Variants in DNAJC1 observed in about 807,000 individuals in gnomAD.
DNAJC1 encodes dnaJ homolog subfamily C member 1.
DNAJC1 carries 58 observed loss-of-function variants against 76.6 expected under a neutral mutation model. The observed-to-expected ratio is 0.76, with a 90% CI of 0.61 to 0.94. The LOEUF is 0.94. Among genes scored for constraint, DNAJC1 ranks in the 40% least tolerant of loss-of-function variants. The pLI is 0.00. For synonymous variants in DNAJC1, 258 were observed against 267.9 expected, an observed-to-expected ratio of 0.96 and a Z score of 0.36; for missense variants, 689 against 677.3, an observed-to-expected ratio of 1.02 and a Z score of -0.19.
chr10:21,967,531 C>G (rs1252841443), intron 1 of DNAJC1, among the ~76,000 whole-genome samples: 1 of 152,120 alleles, frequency 6.6e-6, no homozygotes, highest in Non-Finnish European at 1.5e-5. Context: ...ATTTCAATTC[C>G]CTTTTTCATA....
chr10:21,996,477 T>C (rs1838417008), intron 1 of DNAJC1, among the ~76,000 whole-genome samples: 1 of 152,228 alleles, frequency 6.6e-6, no homozygotes. Flanking sequence ...GAACAAAATA[T>C]GATTGTGAAA....
chr10:21,849,424 G>A (rs1276221871), intron 8 of DNAJC1, among the ~76,000 whole-genome samples: 1 of 149,882 alleles, frequency 6.7e-6, no homozygotes, highest in African/African-American at 2.5e-5. Flanking sequence ...CAAAAGGAAG[G>A]AAATAATAAA....
chr10:21,869,502 TA>T (rs1488713459), intron 8 of DNAJC1, among the ~76,000 whole-genome samples: 4 of 152,244 alleles, frequency 2.6e-5, no homozygotes, highest in Admixed American at 6.5e-5. Flanking sequence ...TGCCTGTAAC[TA>T]TTGTCTCCCT....
At chr10:21,993,599 A>G (rs555721216) in intron 1 of DNAJC1, among the ~76,000 whole-genome samples, 2 of 152,144 alleles carry the variant, frequency 1.3e-5, no homozygotes, top group East Asian at 3.8e-4. Flanking sequence ...CACAAGATGG[A>G]GATATTACTC....
intron 10 of DNAJC1, among the ~76,000 whole-genome samples, chr10:21,761,712 C>T (rs886135883): frequency 3.3e-5 from 5 of 152,032 alleles, no homozygotes; most frequent in Non-Finnish European, 1.5e-5. Context: ...TGTCACACAC[C>T]CTATGTAGCT....
At chr10:21,796,913 A>C (rs1240803846) in intron 9 of DNAJC1, among the ~76,000 whole-genome samples, 3 of 152,062 alleles carry the variant, frequency 2.0e-5, no homozygotes, top group Non-Finnish European at 4.4e-5. Flanking sequence ...TCACTCTGTT[A>C]ATTGTTTTCT....
intron 1 of DNAJC1, among the ~76,000 whole-genome samples, chr10:21,995,352 T>C (rs1564848316): frequency 6.6e-6 from 1 of 152,210 alleles, no homozygotes; most frequent in Non-Finnish European, 1.5e-5. Flanking sequence ...TACTGCTCAC[T>C]ATACAGGCCA....
intron 7 of DNAJC1, among the ~76,000 whole-genome samples, chr10:21,899,167 C>T (rs536229356): frequency 5.3e-5 from 8 of 152,302 alleles, no homozygotes; most frequent in South Asian, 2.1e-4. Context: ...GCCTATGCCA[C>T]GAAGTCCTTG....
intron 8 of DNAJC1, among the ~76,000 whole-genome samples, chr10:21,849,159 G>A (rs1835707977): frequency 6.6e-6 from 1 of 151,810 alleles, no homozygotes; most frequent in Admixed American, 6.6e-5. Flanking sequence ...CAGGCATGGT[G>A]GCACGCACCT....
chr10:21,797,051 A>G (rs1433010224), intron 9 of DNAJC1, among the ~76,000 whole-genome samples: 5 of 151,904 alleles, frequency 3.3e-5, no homozygotes, highest in Non-Finnish European at 7.4e-5. Context: ...TTTCTCCTAT[A>G]TTTTCTTCTA....
At chr10:21,812,334 G>C (rs956206090) in intron 8 of DNAJC1, among the ~76,000 whole-genome samples, 2 of 152,134 alleles carry the variant, frequency 1.3e-5, no homozygotes, top group African/African-American at 4.8e-5. Context: ...TGGGATTACA[G>C]GTGTGAGCCA....
At chr10:21,775,577 T>C (rs1834444465) in intron 9 of DNAJC1, among the ~76,000 whole-genome samples, 1 of 152,156 alleles carries the variant, frequency 6.6e-6, no homozygotes, top group Non-Finnish European at 1.5e-5. Flanking sequence ...TAAATTCATC[T>C]TTCCATGACC....
chr10:21,887,353 A>G (rs1836382707), intron 7 of DNAJC1, among the ~76,000 whole-genome samples: 1 of 152,228 alleles, frequency 6.6e-6, no homozygotes, highest in South Asian at 2.1e-4. Context: ...CTATCAAATT[A>G]ACAACGACAT....
At chr10:21,920,465 C>T (rs1837023006) in intron 4 of DNAJC1, 1 of 172,546 alleles carries the variant, frequency 5.8e-6, no homozygotes. Context: ...AGGCCTGTGA[C>T]ACAAAAAAAT....
chr10:21,878,350 C>A (rs770103808), intron 8 of DNAJC1, among the ~76,000 whole-genome samples: 2 of 152,198 alleles, frequency 1.3e-5, no homozygotes, highest in African/African-American at 2.4e-5. Context: ...ACTGCAACAG[C>A]AACGAGAGGT....
At chr10:21,850,047 G>C (rs924411061) in intron 8 of DNAJC1, among the ~76,000 whole-genome samples, 4 of 152,166 alleles carry the variant, frequency 2.6e-5, no homozygotes, top group African/African-American at 9.7e-5. Flanking sequence ...CTTTCCCGTT[G>C]AGATCAGGAA....
chr10:21,971,185 C>T (rs1837971310), intron 1 of DNAJC1, among the ~76,000 whole-genome samples: 1 of 151,768 alleles, frequency 6.6e-6, no homozygotes, highest in East Asian at 1.9e-4. Context: ...TAGCATAACA[C>T]CTTTGAACTT....
At chr10:21,936,203 G>A (rs983849851) in intron 1 of DNAJC1, among the ~76,000 whole-genome samples, 48 of 152,212 alleles carry the variant, frequency 3.2e-4, no homozygotes, top group African/African-American at 1.2e-3. Flanking sequence ...CTTCAGCCCT[G>A]GGAGGACACA....
intron 8 of DNAJC1, 79 bp from the exon 9 acceptor site, chr10:21,806,178 T>A: frequency 6.8e-7 from 1 of 1,476,726 alleles, no homozygotes; most frequent in Non-Finnish European, 9.1e-7. Flanking sequence ...AAAAGATAAT[T>A]GAGAGATAAT....
Sources: allele counts gnomAD v4.1 joint callset (sites outside exome capture counted in the v4.1 genomes callset), GRCh38; gene constraint gnomAD v4.1.1; transcripts MANE v1.5; gene names NCBI Gene and HGNC (gene_info 2026-07-23, HGNC 2026-07-21).